Variants in ARHGAP28 observed in about 807,000 individuals in gnomAD.
The protein encoded by ARHGAP28 is rho GTPase-activating protein 28.
Under a neutral mutation model 90.7 loss-of-function variants are expected in ARHGAP28, and 56 were observed. The observed-to-expected ratio is 0.62, with a 90% CI of 0.50 to 0.77. The LOEUF is 0.77. Ranked by LOEUF, ARHGAP28 falls within the 30% of genes least tolerant of loss-of-function variation. The probability of loss-of-function intolerance (pLI) is 0.00; values close to 1 mark genes in which losing one functional copy is unlikely to be tolerated. For synonymous variants in ARHGAP28, 308 were observed against 323.3 expected (o/e 0.95, Z 0.51); for missense variants, 869 against 900.9 (o/e 0.96, Z 0.45).
intron 16 of ARHGAP28, among the ~76,000 whole-genome samples, chr18:6,907,613 T>C (rs1384508180): frequency 6.6e-6 from 1 of 152,062 alleles, no homozygotes; most frequent in East Asian, 1.9e-4. Flanking sequence ...TACAGAAATG[T>C]AGAATAGGGA....
At chr18:6,890,568 G>A (rs570243709) in intron 14 of ARHGAP28, 25 bp downstream of exon 14, 19 of 1,453,824 alleles carry the variant, frequency 1.3e-5, no homozygotes, top group Middle Eastern at 1.8e-4. Flanking sequence ...GAGGCATGGC[G>A]ATTGTCCACT....
At chr18:6,838,811 A>T (rs1384320831) in intron 3 of ARHGAP28, among the ~76,000 whole-genome samples, 2 of 152,162 alleles carry the variant, frequency 1.3e-5, no homozygotes, top group African/African-American at 2.4e-5. Context: ...GTCTTTCTGG[A>T]TGGTGGGATT....
intron 1 of ARHGAP28, among the ~76,000 whole-genome samples, chr18:6,822,581 C>T (rs894017361): frequency 8.5e-5 from 13 of 152,100 alleles, no homozygotes; most frequent in Admixed American, 7.9e-4. Context: ...AAGAATTCAG[C>T]GAGAATTATC....
intron 1 of ARHGAP28, among the ~76,000 whole-genome samples, chr18:6,795,305 A>C (rs1289968466): frequency 2.0e-5 from 3 of 152,086 alleles, no homozygotes; most frequent in African/African-American, 7.2e-5. Flanking sequence ...AGAGTGCTCC[A>C]GGAGGGCACA....
At position 6,890,550 on chromosome 18, in the gene ARHGAP28, C is replaced by T; in HGVS notation, c.1848+7C>T. The stretch of plus-strand genomic sequence containing the variant: ...GAAGACCCTCGAGCGGGAGGTAAGA[C>T]AGCAAATGAGGCATGGCGATTGTCC... On this transcript the variant is annotated splice_region_variant and intron_variant, in intron 14 of 17. Transcript: ENST00000383472. The T allele has an allele frequency of 1.9e-6, 3 of 1,582,126 alleles. No homozygotes were observed. The highest frequency in any genetic ancestry group is 2.6e-6 in the Non-Finnish European group (3 of 1,158,716).
intron 3 of ARHGAP28, among the ~76,000 whole-genome samples, chr18:6,844,012 A>G (rs2056847142): frequency 6.6e-6 from 1 of 152,196 alleles, no homozygotes; most frequent in Admixed American, 6.5e-5. Context: ...CAGTACCCAA[A>G]TACATTTTCC....
At chr18:6,858,582 C>T (rs903494156) in intron 4 of ARHGAP28, among the ~76,000 whole-genome samples, 5 of 149,506 alleles carry the variant, frequency 3.3e-5, no homozygotes, top group African/African-American at 7.4e-5. Context: ...TTGCTCTTGT[C>T]GCCCAGTTTG....
chr18:6,850,528 T>G (rs2056901646), intron 3 of ARHGAP28, among the ~76,000 whole-genome samples: 1 of 152,244 alleles, frequency 6.6e-6, no homozygotes, highest in Non-Finnish European at 1.5e-5. Context: ...TCTGCCACCC[T>G]TAGTGTATGG....
At chr18:6,748,206 A>G (rs1479364176) in intron 1 of ARHGAP28, among the ~76,000 whole-genome samples, 1 of 152,134 alleles carries the variant, frequency 6.6e-6, no homozygotes, top group African/African-American at 2.4e-5. Flanking sequence ...ACAAGATTCA[A>G]CCTAAATCAA....
intron 16 of ARHGAP28, among the ~76,000 whole-genome samples, chr18:6,899,980 G>T (rs1315968603): frequency 6.6e-6 from 1 of 152,016 alleles, no homozygotes; most frequent in African/African-American, 2.4e-5. Context: ...GCCCAGTGAG[G>T]AGCTGAGCTT....
intron 1 of ARHGAP28, among the ~76,000 whole-genome samples, chr18:6,807,152 C>T (rs2056524788): frequency 6.6e-6 from 1 of 152,062 alleles, no homozygotes; most frequent in Non-Finnish European, 1.5e-5. Flanking sequence ...GTGTTTTCAT[C>T]ATTCTGTTAG....
chr18:6,764,005 A>C (rs1165856058), intron 1 of ARHGAP28, among the ~76,000 whole-genome samples: 1 of 152,222 alleles, frequency 6.6e-6, no homozygotes, highest in Non-Finnish European at 1.5e-5. Flanking sequence ...TCTTCTATCA[A>C]ACTAAAGAAA....
chr18:6,774,264 C>T (rs145901558), intron 1 of ARHGAP28: 4 of 152,256 alleles, frequency 2.6e-5, no homozygotes, highest in East Asian at 1.9e-4. Context: ...TTAATAACTT[C>T]GGCCACAGAC....
At chr18:6,738,183 G>T (rs1467065805) in intron 1 of ARHGAP28, among the ~76,000 whole-genome samples, 1 of 152,096 alleles carries the variant, frequency 6.6e-6, no homozygotes, top group African/African-American at 2.4e-5. Flanking sequence ...AGATTTATTT[G>T]TGCTATTTTA....
intron 1 of ARHGAP28, among the ~76,000 whole-genome samples, chr18:6,779,612 C>T (rs1354304491): frequency 6.6e-6 from 1 of 152,204 alleles, no homozygotes; most frequent in Non-Finnish European, 1.5e-5. Context: ...CATTGTATGA[C>T]CACTATCTGC....
rs561657360 is a variant in ARHGAP28, at chr18:6,839,567, G to A, written c.543+2153G>A. Among the ~76,000 whole-genome samples the A allele has an allele frequency of 1.1e-4, 17 of 152,260 alleles. No individual in the cohort carries two copies. In the East Asian group the frequency reaches 1.9e-3, roughly 17 times the overall value. ...CTGCCTCGGCCTCCCAAAGTGCTGG[G>A]ATTACAGGCGTGAGCCACTGCGCCC... is the stretch of plus-strand genomic sequence containing the variant. On this transcript the variant is annotated intron_variant, in intron 3 of 17. Coordinates refer to ENST00000383472, the MANE Select transcript of ARHGAP28 (RefSeq NM_001366230.1).
At chr18:6,894,948 G>A (rs907961065) in intron 15 of ARHGAP28, 57 bp downstream of exon 15, 29 of 1,456,636 alleles carry the variant, frequency 2.0e-5, no homozygotes, top group Middle Eastern at 3.5e-4. Context: ...CTTCTCTGGC[G>A]ACATCCACCA....
chr18:6,884,102 T>C (rs654965), intron 11 of ARHGAP28, among the ~76,000 whole-genome samples: 124,254 of 152,136 alleles, frequency 0.82, 50,990 homozygotes, highest in Non-Finnish European at 0.86. Flanking sequence ...CGGCCAGGCG[T>C]GGGGGCTCAC....
intron 1 of ARHGAP28, among the ~76,000 whole-genome samples, chr18:6,765,941 A>G (rs2143369317): frequency 6.6e-6 from 1 of 152,330 alleles, no homozygotes; most frequent in East Asian, 1.9e-4. Context: ...TAAAAAAATC[A>G]ATTTCTAATT....
Sources: gnomAD v4.1 joint callset for allele counts (sites outside exome capture counted in the v4.1 genomes callset) on GRCh38, gnomAD v4.1.1 for gene constraint, MANE v1.5 for transcripts, NCBI Gene and HGNC (gene_info 2026-07-23, HGNC 2026-07-21) for gene names.